The following ATP8A2 variants were observed in gnomAD, a reference collection of about 807,000 sequenced individuals.
ATP8A2 encodes ATPase phospholipid transporting 8A2.
A neutral mutation model predicts 165.6 loss-of-function variants in ATP8A2; 100 were observed. That is an observed-to-expected ratio of 0.60 (90% CI 0.51 to 0.71). The LOEUF is 0.71. Ranked by LOEUF, ATP8A2 falls within the 30% of genes least tolerant of loss-of-function variation. ATP8A2 has a pLI of 0.00. For synonymous variants in ATP8A2, 543 were observed against 548.8 expected (o/e 0.99, Z 0.15); for missense variants, 1,227 against 1,479.5 (o/e 0.83, Z 2.80).
In ATP8A2 at chr13:25,936,618, C is replaced by T. The variant is rs189123310; in HGVS notation, c.3184-24957C>T. On this transcript the variant is annotated intron_variant, in intron 33 of 36. Transcript: ENST00000381655. Reference sequence around the variant, plus strand: ...GGAGTTCATTAGTGGGATCATGGCACGTAAGCATCCGAGTAGAATCCTCTG... The same window carrying T: ...GGAGTTCATTAGTGGGATCATGGCATGTAAGCATCCGAGTAGAATCCTCTG... 5.3e-5 allele frequency among the ~76,000 whole-genome samples: 8 copies of T among 152,280 alleles called. 1 individual carries two copies. The highest frequency in any genetic ancestry group is 1.2e-4 in the Non-Finnish European group (8 of 68,020).
chr13:25,374,515 C>G (rs892787971), intron 1 of ATP8A2, among the ~76,000 whole-genome samples: 1 of 152,100 alleles, frequency 6.6e-6, no homozygotes, highest in Admixed American at 6.6e-5. Flanking sequence ...TACAGTCTGA[C>G]GGCATGAACA....
chr13:25,553,898 C>T lies in ATP8A2; in HGVS notation c.1163C>T (p.Thr388Ile), dbSNP rs1440787427. 1 of 1,613,642 alleles carries T rather than the reference C, an allele frequency of 6.2e-7. No individual in the cohort carries two copies. The change falls in exon 12 of 37, where the codon ACT (threonine) becomes ATT (isoleucine). Residue 388 changes from threonine to isoleucine, a missense_variant. Around this residue, in one of 5 missense-constraint regions of ATP8A2, gnomAD observed 592 missense variants for 785.6 expected, o/e 0.75. Transcript: ENST00000381655. ...GTGACTCTTGAGGTTGTGAAGTATACTCAAGCCCTTTTCATAAACTGGGTG... is the reference window on the plus strand; with the variant it reads ...GTGACTCTTGAGGTTGTGAAGTATATTCAAGCCCTTTTCATAAACTGGGTG... ...LLVTLEVVKY[T>I]QALFINWDTD...
At chr13:25,395,666 T>G (rs6491048) in intron 1 of ATP8A2, among the ~76,000 whole-genome samples, 44,193 of 151,854 alleles carry the variant, frequency 0.29, 7,380 homozygotes, top group African/African-American at 0.45. Flanking sequence ...CTATTGAGTA[T>G]CTAGAACTAC....
Position 25,953,504 on chromosome 13 carries a change from T to C in ATP8A2, c.3184-8071T>C, listed in dbSNP as rs373934431. 6.3e-4 allele frequency among the ~76,000 whole-genome samples: 87 copies of C among 138,086 alleles called. 1 individual carries two copies. The highest frequency in any genetic ancestry group is 2.2e-3 in the African/African-American group (82 of 36,886). The allele number at this position is 138,086 out of a possible 152,430, so 90.6% of individuals were successfully genotyped here. ...AACACAAACTGACCTTATGTAGCCCTGGTTACTCCAGCCTTTTTAAAAAAA... is the reference window on the plus strand; with the variant it reads ...AACACAAACTGACCTTATGTAGCCCCGGTTACTCCAGCCTTTTTAAAAAAA... On this transcript the variant is annotated intron_variant, in intron 33 of 36. Transcript: ENST00000381655. The surrounding 1 kb of genome is among the most constrained non-coding windows in gnomAD (Gnocchi z 6.7).
intron 2 of ATP8A2, among the ~76,000 whole-genome samples, chr13:25,526,183 A>G (rs539226010): frequency 6.6e-6 from 1 of 152,012 alleles, no homozygotes; most frequent in East Asian, 1.9e-4. Flanking sequence ...AATTTCTCTG[A>G]TACATTTTTG....
Position 26,021,933 on chromosome 13 carries a change from T to C in ATP8A2, c.*1948T>C, listed in dbSNP as rs1957087548. On this transcript the variant is annotated 3_prime_UTR_variant, in exon 37 of 37. Coordinates refer to ENST00000381655, the MANE Select transcript of ATP8A2 (RefSeq NM_016529.6). ...CTGGGCATGGAAATGATTTAAAATA[T>C]GATCTGCATTGACTAAGAAAACTCA... The C allele has an allele frequency of 6.6e-6, 1 of 152,216 alleles. No homozygotes were observed. Among genetic ancestry groups the C allele is most frequent in the Admixed American group, 6.5e-5 (1 of 15,284 alleles). The allele number at this position is 152,216 out of a possible 1,614,324, so 9.4% of individuals were successfully genotyped here.
intron 33 of ATP8A2, among the ~76,000 whole-genome samples, chr13:25,933,817 G>C (rs1954822896): frequency 6.6e-6 from 1 of 152,222 alleles, no homozygotes; most frequent in Admixed American, 6.5e-5. Context: ...CAGTGAGCTT[G>C]GCTGCAGCTA....
chr13:25,551,328 T>C lies in ATP8A2; in HGVS notation c.892-10T>C, dbSNP rs2038815832. 2 of 1,609,996 alleles carry C rather than the reference T, an allele frequency of 1.2e-6. No individual in the cohort carries two copies. Among genetic ancestry groups the C allele is most frequent in the African/African-American group, 1.3e-5 (1 of 75,022 alleles). Reference sequence around the variant, plus strand: ...TGTGACCCTTACTGACTTTCAATGCTGTTGTGTAGAATTCAACCAAAGCGC... The same window carrying C: ...TGTGACCCTTACTGACTTTCAATGCCGTTGTGTAGAATTCAACCAAAGCGC... On this transcript the variant is annotated splice_polypyrimidine_tract_variant and intron_variant, in intron 10 of 36. Transcript: ENST00000381655.
In ATP8A2 at chr13:25,892,964, T is replaced by C. The variant is rs1052667004; in HGVS notation, c.3183+30556T>C. Among the ~76,000 whole-genome samples the C allele has an allele frequency of 3.9e-5, 6 of 152,292 alleles. No homozygotes were observed. The South Asian group carries it at 1.2e-3, about 32-fold the overall frequency. On this transcript the variant is annotated intron_variant, in intron 33 of 36. Transcript: ENST00000381655. ...TTAGATAGGCTCAGGTTTGGGACTG[T>C]TTCTATCAAACATAGGACATATCAA...
chr13:25,472,830 C>A (rs575060605), intron 2 of ATP8A2, among the ~76,000 whole-genome samples: 1 of 152,296 alleles, frequency 6.6e-6, no homozygotes, highest in African/African-American at 2.4e-5. Context: ...AGAGTTCTCT[C>A]CCCTACTTTC....
At chr13:25,584,345 T>C (rs2039860688) in intron 23 of ATP8A2, among the ~76,000 whole-genome samples, 1 of 152,202 alleles carries the variant, frequency 6.6e-6, no homozygotes, top group Admixed American at 6.5e-5. Context: ...AAGCCTGTTT[T>C]CTAGTCATAT....
At chr13:25,776,286 A>T (rs2044740190) in intron 27 of ATP8A2, among the ~76,000 whole-genome samples, 1 of 152,168 alleles carries the variant, frequency 6.6e-6, no homozygotes, top group Non-Finnish European at 1.5e-5. Flanking sequence ...GTTCCAAGCA[A>T]TCAAAAGGGA....
intron 24 of ATP8A2, among the ~76,000 whole-genome samples, chr13:25,635,881 A>T (rs774906714): frequency 1.4e-4 from 21 of 152,240 alleles, no homozygotes; most frequent in Non-Finnish European, 2.5e-4. Context: ...AACTATTGTG[A>T]TACATAACAA....
intron 10 of ATP8A2, among the ~76,000 whole-genome samples, chr13:25,548,532 G>A (rs575326772): frequency 4.6e-5 from 7 of 152,182 alleles, no homozygotes; most frequent in Admixed American, 3.3e-4. Flanking sequence ...AGAATGATGA[G>A]ATCTTGCTTA....
intron 34 of ATP8A2, among the ~76,000 whole-genome samples, chr13:25,963,000 G>A (rs1279012081): frequency 6.6e-6 from 1 of 151,394 alleles, no homozygotes; most frequent in Admixed American, 6.6e-5. Context: ...ATTTTATTTG[G>A]TAAAACCATA....
chr13:25,681,075 G>A (rs1224138998), intron 24 of ATP8A2, among the ~76,000 whole-genome samples: 1 of 152,138 alleles, frequency 6.6e-6, no homozygotes. Flanking sequence ...AGGTCCTCTA[G>A]GAAAAATAGA....
In ATP8A2 at chr13:25,965,656, A is replaced by G. The variant is rs140579857; in HGVS notation, c.3273-2919A>G. On this transcript the variant is annotated intron_variant, in intron 34 of 36. Coordinates refer to ENST00000381655, the MANE Select transcript of ATP8A2 (RefSeq NM_016529.6). ...TGCTTAGGTAAGCTGCCACATACCCACTTTCATCTAGGTGAAATTTGTTAG... is the reference window on the plus strand; with the variant it reads ...TGCTTAGGTAAGCTGCCACATACCCGCTTTCATCTAGGTGAAATTTGTTAG... Among the ~76,000 whole-genome samples, 376 of 152,294 alleles carry G rather than the reference A, an allele frequency of 2.5e-3. 8 individuals are homozygous for G. In the South Asian group the frequency reaches 0.042, roughly 17 times the overall value.
intron 25 of ATP8A2, among the ~76,000 whole-genome samples, chr13:25,711,463 A>G (rs1325828933): frequency 6.6e-6 from 1 of 152,076 alleles, no homozygotes; most frequent in African/African-American, 2.4e-5. Flanking sequence ...TAATCCCAGC[A>G]TTTTGGGAGG....
chr13:25,837,934 G>A (rs1951660855), intron 29 of ATP8A2, among the ~76,000 whole-genome samples: 1 of 152,202 alleles, frequency 6.6e-6, no homozygotes, highest in Non-Finnish European at 1.5e-5. Flanking sequence ...CAGCAGAGGG[G>A]TCTGCCACAC....
Sources: gnomAD v4.1 joint callset for allele counts (sites outside exome capture counted in the v4.1 genomes callset) on GRCh38, gnomAD v4.1.1 for gene constraint, gnomAD v4.1.1 regional missense constraint, Gnocchi (gnomAD v3.1) non-coding constraint, MANE v1.5 for transcripts, NCBI Gene and HGNC (gene_info 2026-07-23, HGNC 2026-07-21) for gene names.